Variants in PPP2R2B observed in about 807,000 individuals in gnomAD.
The protein encoded by PPP2R2B is protein phosphatase 2 regulatory subunit Bbeta.
PPP2R2B carries 5 observed loss-of-function variants against 46.0 expected under a neutral mutation model. That is an observed-to-expected ratio of 0.11 (90% CI 0.06 to 0.23). The LOEUF is 0.23. PPP2R2B is among the 10% of genes least tolerant of loss of function. PPP2R2B has a pLI of 1.00. For synonymous variants in PPP2R2B, 215 were observed against 206.7 expected (o/e 1.04, Z -0.34); for missense variants, 367 against 575.0 (o/e 0.64, Z 3.70).
At chr5:146,712,768 C>G (rs1780282083) in intron 2 of PPP2R2B, among the ~76,000 whole-genome samples, 1 of 152,038 alleles carries the variant, frequency 6.6e-6, no homozygotes, top group African/African-American at 2.4e-5. Flanking sequence ...ATGATCATCC[C>G]CAATAGAGGA....
At chr5:146,970,030 T>A (rs538663585) in intron 1 of PPP2R2B, among the ~76,000 whole-genome samples, 1 of 152,258 alleles carries the variant, frequency 6.6e-6, no homozygotes, top group South Asian at 2.1e-4. Context: ...CCAGGATGCA[T>A]CAGAATCACT....
chr5:147,022,329 T>G (rs933345883), intron 1 of PPP2R2B, among the ~76,000 whole-genome samples: 2 of 151,166 alleles, frequency 1.3e-5, no homozygotes, highest in Non-Finnish European at 2.9e-5. Context: ...GAGGTCGAGG[T>G]GGGTGGATTA....
At chr5:146,740,543 G>C (rs1752804400) in intron 2 of PPP2R2B, among the ~76,000 whole-genome samples, 1 of 146,184 alleles carries the variant, frequency 6.8e-6, no homozygotes, top group Non-Finnish European at 1.5e-5. Flanking sequence ...CACAAATTTG[G>C]ATCTGCCAAA....
At chr5:146,829,656 C>G (rs1262720389) in intron 2 of PPP2R2B, among the ~76,000 whole-genome samples, 1 of 152,142 alleles carries the variant, frequency 6.6e-6, no homozygotes, top group Non-Finnish European at 1.5e-5. Context: ...CAAAGCAAAA[C>G]TGACTTATGT....
chr5:146,845,734 G>A (rs1289901087), intron 2 of PPP2R2B, among the ~76,000 whole-genome samples: 1 of 152,194 alleles, frequency 6.6e-6, no homozygotes, highest in Non-Finnish European at 1.5e-5. Context: ...TACATGGAGT[G>A]AAATAGGCAA....
At chr5:146,756,371 G>C (rs1753830683) in intron 2 of PPP2R2B, among the ~76,000 whole-genome samples, 1 of 152,002 alleles carries the variant, frequency 6.6e-6, no homozygotes, top group Non-Finnish European at 1.5e-5. Context: ...CTTTCATATG[G>C]ACACACTAAA....
chr5:146,850,528 C>T (rs1374942053), intron 2 of PPP2R2B, among the ~76,000 whole-genome samples: 1 of 152,146 alleles, frequency 6.6e-6, no homozygotes, highest in Non-Finnish European at 1.5e-5. Context: ...TGAACACACA[C>T]TCTCTCTACT....
At chr5:146,830,254 C>A (rs1421492077) in intron 2 of PPP2R2B, among the ~76,000 whole-genome samples, 1 of 152,084 alleles carries the variant, frequency 6.6e-6, no homozygotes, top group East Asian at 1.9e-4. Flanking sequence ...CATAGATATG[C>A]CATAGGAATG....
chr5:146,592,612 A>C (rs1269104512), intron 9 of PPP2R2B, among the ~76,000 whole-genome samples: 1 of 152,240 alleles, frequency 6.6e-6, no homozygotes, highest in East Asian at 1.9e-4. Context: ...TTGATCTGGA[A>C]AGCCTACTTG....
intron 1 of PPP2R2B, among the ~76,000 whole-genome samples, chr5:146,914,779 C>G (rs1201858602): frequency 6.6e-6 from 1 of 152,144 alleles, no homozygotes; most frequent in Non-Finnish European, 1.5e-5. Context: ...ATGTAGACAG[C>G]AGATTTGGTA....
chr5:146,831,989 G>C (rs1758970266), intron 2 of PPP2R2B, among the ~76,000 whole-genome samples: 1 of 152,096 alleles, frequency 6.6e-6, no homozygotes, highest in South Asian at 2.1e-4. Flanking sequence ...GTGTTCTTTT[G>C]TTTCTTAAGG....
intron 7 of PPP2R2B, 52 bp downstream of exon 7, chr5:146,638,199 G>C: frequency 1.3e-6 from 2 of 1,570,622 alleles, no homozygotes; most frequent in South Asian, 1.2e-5. Flanking sequence ...CTCTCCCCCA[G>C]CACATTGGGG....
upstream of PPP2R2B, among the ~76,000 whole-genome samples, chr5:146,880,286 A>T (rs1582347559): frequency 6.6e-6 from 1 of 151,830 alleles, no homozygotes; most frequent in East Asian, 1.9e-4. Flanking sequence ...AGTGCTTAAG[A>T]CTTATACACT....
intron 1 of PPP2R2B, among the ~76,000 whole-genome samples, chr5:146,984,545 T>C (rs1027980642): frequency 1.3e-5 from 2 of 152,216 alleles, no homozygotes; most frequent in East Asian, 3.8e-4. Flanking sequence ...GTAATAAACA[T>C]GGGACTGCAG....
intron 1 of PPP2R2B, among the ~76,000 whole-genome samples, chr5:147,050,188 C>A (rs1026228064): frequency 6.6e-6 from 1 of 152,150 alleles, no homozygotes; most frequent in African/African-American, 2.4e-5. Context: ...AGACATAAAG[C>A]AATATCAAAC....
chr5:146,794,772 T>G (rs910034672), intron 2 of PPP2R2B, among the ~76,000 whole-genome samples: 19 of 152,302 alleles, frequency 1.2e-4, no homozygotes, highest in African/African-American at 4.6e-4. Flanking sequence ...AAAACAGCCC[T>G]TATGAATTGT....
At chr5:146,705,308 C>T (rs1779767121) in intron 2 of PPP2R2B, among the ~76,000 whole-genome samples, 1 of 152,108 alleles carries the variant, frequency 6.6e-6, no homozygotes, top group South Asian at 2.1e-4. Flanking sequence ...TTTTCGCCTT[C>T]AGCTAAGATA....
chr5:146,712,524 T>C (rs960720688), intron 2 of PPP2R2B, among the ~76,000 whole-genome samples: 16 of 152,214 alleles, frequency 1.1e-4, no homozygotes, highest in African/African-American at 3.6e-4. Flanking sequence ...AGAAAATCTA[T>C]TATATTTGAC....
At chr5:146,680,114 T>C (rs1778046459) in intron 5 of PPP2R2B, among the ~76,000 whole-genome samples, 4 of 151,668 alleles carry the variant, frequency 2.6e-5, no homozygotes, top group Admixed American at 2.6e-4. Context: ...ATTGTGGCAT[T>C]ATTCACGATA....
Sources: gnomAD v4.1 joint callset for allele counts (sites outside exome capture counted in the v4.1 genomes callset) on GRCh38, gnomAD v4.1.1 for gene constraint, MANE v1.5 for transcripts, NCBI Gene and HGNC (gene_info 2026-07-23, HGNC 2026-07-21) for gene names.